The following COL26A1 variants were observed in gnomAD, a reference collection of about 807,000 sequenced individuals.
COL26A1 encodes collagen alpha-1(XXVI) chain.
COL26A1 carries 41 observed loss-of-function variants against 59.3 expected under a neutral mutation model. The observed-to-expected ratio is 0.69, with a 90% CI of 0.54 to 0.90. The LOEUF is 0.90. COL26A1 is among the 40% of genes least tolerant of loss of function. COL26A1 has a pLI of 0.00. For missense variants in COL26A1, 612 were observed against 602.3 expected (o/e 1.02, Z -0.17); for synonymous variants, 266 against 256.0 (o/e 1.04, Z -0.37).
chr7:101,468,774 T>G (rs1793825917), intron 3 of COL26A1, among the ~76,000 whole-genome samples: 1 of 149,696 alleles, frequency 6.7e-6, no homozygotes, highest in Non-Finnish European at 1.5e-5. Flanking sequence ...TCCTTTCCAC[T>G]TCTTCTCTGG....
Position 101,555,840 on chromosome 7 carries a change from C to G in COL26A1, c.1134C>G (p.Val378=). ...REALKILAER[V]LILEHMIGIH... is the part of the protein sequence containing the mutation. The stretch of plus-strand genomic sequence containing the variant: ...CCCTGAAGATCCTGGCAGAGCGAGT[C>G]CTCATCCTGGAGCACATGATTGGGA... The change falls in exon 12 of 13, where the codon GTC becomes GTG. Residue 378 remains valine (V), a synonymous_variant. Transcript: ENST00000313669. 1 of 1,611,780 alleles carries G rather than the reference C, an allele frequency of 6.2e-7. No homozygotes were observed. The highest frequency in any genetic ancestry group is 8.5e-7 in the Non-Finnish European group (1 of 1,179,256).
chr7:101,546,913 G>A (rs1214242179), intron 7 of COL26A1, among the ~76,000 whole-genome samples: 2 of 152,190 alleles, frequency 1.3e-5, no homozygotes, highest in Admixed American at 6.5e-5. Context: ...AGCCTGGAAT[G>A]TTCTAGAAGG....
chr7:101,548,048 G>A (rs1795777264), intron 8 of COL26A1, among the ~76,000 whole-genome samples: 1 of 152,220 alleles, frequency 6.6e-6, no homozygotes, highest in South Asian at 2.1e-4. Context: ...CTGGGGCGTG[G>A]CGGGGAGGCG....
intron 3 of COL26A1, among the ~76,000 whole-genome samples, chr7:101,507,884 C>T (rs1794844796): frequency 6.6e-6 from 1 of 152,124 alleles, no homozygotes; most frequent in Non-Finnish European, 1.5e-5. Flanking sequence ...CGCCGCTGGT[C>T]CCTGTGGTTT....
chr7:101,444,967 A>C (rs1213475920), intron 2 of COL26A1, among the ~76,000 whole-genome samples: 1 of 151,812 alleles, frequency 6.6e-6, no homozygotes, highest in African/African-American at 2.4e-5. Context: ...CAGCCTCCTG[A>C]GTAGCTGGGA....
intron 2 of COL26A1, among the ~76,000 whole-genome samples, chr7:101,443,628 T>C (rs1027798028): frequency 1.3e-5 from 2 of 152,200 alleles, no homozygotes; most frequent in Non-Finnish European, 1.5e-5. Flanking sequence ...GTTATGACAA[T>C]GCACGTAAAG....
intron 5 of COL26A1, among the ~76,000 whole-genome samples, chr7:101,540,462 C>T (rs552712847): frequency 1.0e-3 from 150 of 150,278 alleles, no homozygotes; most frequent in African/African-American, 3.5e-3. Flanking sequence ...CGCTTGAACC[C>T]GGAAGGCGGA....
rs1203695394 is a variant in COL26A1 at position 101,362,946 on chromosome 7, C to T, written c.-87C>T. 7 of 1,368,698 alleles carry T rather than the reference C, an allele frequency of 5.1e-6. No individual in the cohort carries two copies. In the South Asian group the frequency reaches 8.6e-5, roughly 17 times the overall value. 84.8% of individuals were successfully genotyped at this position (1,368,698 alleles called of 1,614,324 possible). ...CCGCTCCTCTCGCTGTGCTCCCGGC[C>T]GGTGCCGCGGGTTCGGTCCGGGCGC... On this transcript the variant is annotated 5_prime_UTR_variant, in exon 1 of 13. Coordinates refer to ENST00000313669, the MANE Select transcript of COL26A1 (RefSeq NM_001278563.3).
At position 101,496,498 on chromosome 7, in the gene COL26A1, G is replaced by A. The variant is rs185757324; in HGVS notation, c.386-36584G>A. Among the ~76,000 whole-genome samples the A allele has an allele frequency of 3.3e-4, 50 of 152,274 alleles. No homozygotes were observed. In the East Asian group the frequency reaches 6.0e-3, roughly 18 times the overall value. On this transcript the variant is annotated intron_variant, in intron 3 of 12. Coordinates refer to ENST00000313669, the MANE Select transcript of COL26A1 (RefSeq NM_001278563.3). ...GTTGATGGGTGGAAGAGTGCAGGGC[G>A]AGGTCCTGGGACTGAGAGGGGAAGA...
chr7:101,546,822 T>C (rs534714276), intron 7 of COL26A1, among the ~76,000 whole-genome samples: 1 of 152,078 alleles, frequency 6.6e-6, no homozygotes, highest in East Asian at 1.9e-4. Context: ...TGCAGCAGGA[T>C]GGGCCTGTGG....
intron 3 of COL26A1, among the ~76,000 whole-genome samples, chr7:101,495,409 G>A (rs1332991634): frequency 6.9e-6 from 1 of 144,044 alleles, no homozygotes; most frequent in Non-Finnish European, 1.5e-5. Flanking sequence ...GCAGCCTGGG[G>A]AATTTTTTTT....
chr7:101,529,083 T>C (rs2130630525), intron 3 of COL26A1, among the ~76,000 whole-genome samples: 1 of 151,974 alleles, frequency 6.6e-6, no homozygotes, highest in African/African-American at 2.4e-5. Flanking sequence ...GGAGAATCAC[T>C]TGAACCCCGG....
chr7:101,515,148 G>T (rs1029260610), intron 3 of COL26A1, among the ~76,000 whole-genome samples: 1 of 152,214 alleles, frequency 6.6e-6, no homozygotes, highest in Non-Finnish European at 1.5e-5. Flanking sequence ...GCAGACAAGA[G>T]CCCCAATTTA....
At chr7:101,497,394 G>A (rs1251903190) in intron 3 of COL26A1, among the ~76,000 whole-genome samples, 1 of 151,948 alleles carries the variant, frequency 6.6e-6, no homozygotes, top group Non-Finnish European at 1.5e-5. Flanking sequence ...TTTAACCCTG[G>A]CCACATGCAG....
chr7:101,395,441 C>A (rs1791833091), intron 1 of COL26A1, among the ~76,000 whole-genome samples: 1 of 152,174 alleles, frequency 6.6e-6, no homozygotes, highest in African/African-American at 2.4e-5. Flanking sequence ...CACGGTGAAA[C>A]CACAAATGAG....
At chr7:101,553,153 C>A (rs1795895211) in intron 10 of COL26A1, 173 bp from the exon 11 acceptor site, 1 of 567,576 alleles carries the variant, frequency 1.8e-6, no homozygotes, top group Non-Finnish European at 3.1e-6. Context: ...GGAGCCGTGG[C>A]CTCCCCTGCT....
At chr7:101,549,084 G>T in intron 8 of COL26A1, 87 bp from the exon 9 acceptor site, 1 of 658,368 alleles carries the variant, frequency 1.5e-6, no homozygotes, top group East Asian at 3.0e-5. Context: ...ACTTCCCATG[G>T]AGACAGATCA....
At chr7:101,480,800 G>A (rs1318824761) in intron 3 of COL26A1, among the ~76,000 whole-genome samples, 1 of 152,152 alleles carries the variant, frequency 6.6e-6, no homozygotes, top group Admixed American at 6.6e-5. Flanking sequence ...ACTGTACCTG[G>A]CCTTCCCTGG....
chr7:101,459,744 A>G (rs2130421936), intron 3 of COL26A1, among the ~76,000 whole-genome samples: 1 of 151,594 alleles, frequency 6.6e-6, no homozygotes, highest in African/African-American at 2.4e-5. Context: ...GGGGATTTTT[A>G]CTCTTTTTTT....
Sources: allele counts gnomAD v4.1 joint callset (sites outside exome capture counted in the v4.1 genomes callset), GRCh38; gene constraint gnomAD v4.1.1; transcripts MANE v1.5; gene names NCBI Gene and HGNC (gene_info 2026-07-23, HGNC 2026-07-21).